LRRTM4: variants seen among roughly 807,000 people sequenced by gnomAD.
The protein encoded by LRRTM4 is leucine-rich repeat transmembrane neuronal protein 4.
LRRTM4 carries 25 observed loss-of-function variants against 47.6 expected under a neutral mutation model. The ratio of observed to expected loss-of-function variants is 0.53; its 90% CI spans 0.38 to 0.73. LRRTM4 has a LOEUF of 0.73. Ranked by LOEUF, LRRTM4 falls within the 30% of genes least tolerant of loss-of-function variation. The pLI is 0.00. For missense variants in LRRTM4, 638 were observed against 713.4 expected, an observed-to-expected ratio of 0.89 and a Z score of 1.20; for synonymous variants, 311 against 269.5, an observed-to-expected ratio of 1.15 and a Z score of -1.51.
intron 3 of LRRTM4, among the ~76,000 whole-genome samples, chr2:77,186,563 AAAAT>A (rs2103868823): frequency 6.6e-6 from 1 of 152,318 alleles, no homozygotes; most frequent in South Asian, 2.1e-4. Flanking sequence ...TATTTCTCAA[AAAAT>A]AAAAAATAAA....
intron 3 of LRRTM4, among the ~76,000 whole-genome samples, chr2:76,971,152 C>T (rs1302313160): frequency 1.3e-5 from 2 of 151,940 alleles, no homozygotes; most frequent in Admixed American, 6.6e-5. Flanking sequence ...AAAGTCTTCC[C>T]AAACAGTTAA....
intron 3 of LRRTM4, among the ~76,000 whole-genome samples, chr2:76,755,120 C>T (rs1285951614): frequency 6.6e-6 from 1 of 152,132 alleles, no homozygotes; most frequent in Non-Finnish European, 1.5e-5. Flanking sequence ...CCTGGTACCA[C>T]TTTCATTAAT....
At chr2:77,036,769 CTTTTCCA>C (rs1678852212) in intron 3 of LRRTM4, among the ~76,000 whole-genome samples, 1 of 151,632 alleles carries the variant, frequency 6.6e-6, no homozygotes, top group Non-Finnish European at 1.5e-5. Flanking sequence ...AAAGAAGAGT[CTTTTCCA>C]GTTTACTCAA....
chr2:77,033,967 A>G (rs976539056), intron 3 of LRRTM4, among the ~76,000 whole-genome samples: 5 of 151,878 alleles, frequency 3.3e-5, no homozygotes, highest in Non-Finnish European at 5.9e-5. Context: ...TGAAACTATA[A>G]TACAATCAAG....
At chr2:76,922,694 TA>T (rs79078899) in intron 3 of LRRTM4, among the ~76,000 whole-genome samples, 52,874 of 151,848 alleles carry the variant, frequency 0.35, 10,003 homozygotes, top group East Asian at 0.72. Flanking sequence ...TCTGGAGGCC[TA>T]AATGTACAGC....
At chr2:77,116,289 A>G (rs1450302187) in intron 3 of LRRTM4, among the ~76,000 whole-genome samples, 1 of 152,184 alleles carries the variant, frequency 6.6e-6, no homozygotes. Context: ...AGAAAATTCA[A>G]AAAGAACTTA....
At chr2:77,165,111 TA>T (rs1300585059) in intron 3 of LRRTM4, among the ~76,000 whole-genome samples, 5 of 151,796 alleles carry the variant, frequency 3.3e-5, no homozygotes, top group African/African-American at 1.2e-4. Context: ...ATAGATGCAA[TA>T]AAAAATGATA....
At chr2:76,914,458 A>C (rs961940018) in intron 3 of LRRTM4, among the ~76,000 whole-genome samples, 1 of 152,058 alleles carries the variant, frequency 6.6e-6, no homozygotes, top group African/African-American at 2.4e-5. Flanking sequence ...TATTTTTTGT[A>C]AAGTGTCAAA....
At chr2:77,140,815 A>G (rs566072183) in intron 3 of LRRTM4, among the ~76,000 whole-genome samples, 148 of 152,352 alleles carry the variant, frequency 9.7e-4, no homozygotes, top group Non-Finnish European at 1.8e-3. Flanking sequence ...GGTGAAGGAT[A>G]TGAACAGATA....
chr2:76,822,419 G>A (rs1028158415), intron 3 of LRRTM4, among the ~76,000 whole-genome samples: 5 of 151,224 alleles, frequency 3.3e-5, no homozygotes, highest in Non-Finnish European at 7.4e-5. Flanking sequence ...GGACAAGAGA[G>A]TAAAAAGAAA....
chr2:76,827,013 C>T (rs1671208750), intron 3 of LRRTM4, among the ~76,000 whole-genome samples: 1 of 151,862 alleles, frequency 6.6e-6, no homozygotes, highest in Non-Finnish European at 1.5e-5. Flanking sequence ...ACGTCCTTCT[C>T]GTGAAGAGAA....
chr2:77,337,451 G>T (rs1241176377), intron 3 of LRRTM4, among the ~76,000 whole-genome samples: 1 of 152,084 alleles, frequency 6.6e-6, no homozygotes, highest in South Asian at 2.1e-4. Flanking sequence ...ATCTAGAATT[G>T]TAATCCCAAT....
At chr2:77,157,689 T>C (rs1427641865) in intron 3 of LRRTM4, among the ~76,000 whole-genome samples, 1 of 152,172 alleles carries the variant, frequency 6.6e-6, no homozygotes, top group Non-Finnish European at 1.5e-5. Context: ...AATTTTTATC[T>C]ACATCTTCTT....
At chr2:77,479,975 T>G (rs954080212) in intron 3 of LRRTM4, among the ~76,000 whole-genome samples, 6 of 152,212 alleles carry the variant, frequency 3.9e-5, no homozygotes, top group Admixed American at 1.3e-4. Context: ...TTTTCCTATC[T>G]AGGATCTTAT....
At chr2:77,187,145 G>A (rs115373985) in intron 3 of LRRTM4, among the ~76,000 whole-genome samples, 1,629 of 152,222 alleles carry the variant, frequency 0.011, 16 homozygotes, top group Middle Eastern at 0.02. Context: ...TGGGAGGAAA[G>A]GAAGTCTGTA....
intron 3 of LRRTM4, among the ~76,000 whole-genome samples, chr2:76,776,092 A>G (rs976787982): frequency 2.6e-5 from 4 of 152,110 alleles, no homozygotes; most frequent in Non-Finnish European, 5.9e-5. Context: ...TGAACTCATC[A>G]TTTTTTATGG....
intron 3 of LRRTM4, among the ~76,000 whole-genome samples, chr2:77,089,830 T>C (rs367934981): frequency 5.7e-5 from 8 of 139,170 alleles, no homozygotes; most frequent in African/African-American, 1.4e-4. Flanking sequence ...CATCCTGCAA[T>C]ATCTAAATAA....
chr2:76,917,104 G>A (rs980506266), intron 3 of LRRTM4, among the ~76,000 whole-genome samples: 1 of 152,172 alleles, frequency 6.6e-6, no homozygotes, highest in Non-Finnish European at 1.5e-5. Flanking sequence ...GGGCCAGGAA[G>A]TGTTTTAGAC....
chr2:77,139,922 G>A (rs950271011), intron 3 of LRRTM4, among the ~76,000 whole-genome samples: 15 of 152,158 alleles, frequency 9.9e-5, no homozygotes, highest in Non-Finnish European at 1.6e-4. Flanking sequence ...TACAAGGGAT[G>A]TGAAGGACCT....
Sources: allele counts gnomAD v4.1 joint callset (sites outside exome capture counted in the v4.1 genomes callset), GRCh38; gene constraint gnomAD v4.1.1; transcripts MANE v1.5; gene names NCBI Gene and HGNC (gene_info 2026-07-23, HGNC 2026-07-21).